The following ADARB2 variants were observed in gnomAD, a reference collection of about 807,000 sequenced individuals.
ADARB2 encodes the protein adenosine deaminase RNA specific B2 (inactive).
Under a neutral mutation model 62.2 loss-of-function variants are expected in ADARB2, and 25 were observed. That is an observed-to-expected ratio of 0.40 (90% CI 0.29 to 0.56). The LOEUF is 0.56. Ranked by LOEUF, ADARB2 falls within the 20% of genes least tolerant of loss-of-function variation. ADARB2 has a pLI of 0.43. For synonymous variants in ADARB2, 572 were observed against 500.8 expected (o/e 1.14, Z -1.90); for missense variants, 1,071 against 1,077.4 (o/e 0.99, Z 0.08).
chr10:1,440,166 G>A (rs1470191770), intron 1 of ADARB2, among the ~76,000 whole-genome samples: 3 of 152,020 alleles, frequency 2.0e-5, no homozygotes, highest in African/African-American at 7.3e-5. Context: ...CCTTCACTAT[G>A]GGGCTTCTGA....
At chr10:1,381,301 A>G (rs968093756) in intron 1 of ADARB2, among the ~76,000 whole-genome samples, 2 of 152,280 alleles carry the variant, frequency 1.3e-5, no homozygotes, top group African/African-American at 2.4e-5. Context: ...CAATAAGCAC[A>G]TGGAAATGTA....
At chr10:1,420,609 AGG>A (rs149910486) in intron 1 of ADARB2, among the ~76,000 whole-genome samples, 53 of 61,180 alleles carry the variant, frequency 8.7e-4, no homozygotes, top group African/African-American at 1.7e-3. Context: ...TTCCAGAAAG[AGG>A]GAAAAAAAAA....
chr10:1,209,109 G>A (rs1314990873), intron 7 of ADARB2, among the ~76,000 whole-genome samples: 1 of 152,128 alleles, frequency 6.6e-6, no homozygotes, highest in Non-Finnish European at 1.5e-5. Flanking sequence ...CATTAGGTGT[G>A]CATTGTGGGA....
rs1469540844 is a variant in ADARB2 at position 1,606,933 on chromosome 10, G to C, written c.100+130118C>G. Among the ~76,000 whole-genome samples the C allele has an allele frequency of 1.3e-5, 2 of 152,170 alleles. 1 individual carries two copies. Among genetic ancestry groups the C allele is most frequent in the Admixed American group, 1.3e-4 (2 of 15,266 alleles). On this transcript the variant is annotated intron_variant, in intron 1 of 9. Coordinates refer to ENST00000381312, the MANE Select transcript of ADARB2 (RefSeq NM_018702.4). ...ATTTTGTCCATCCATGACAGAATGT[G>C]GGGCAAATAGACCAGTAATTCAGGC...
At chr10:1,691,124 T>C (rs537168336) in intron 1 of ADARB2, among the ~76,000 whole-genome samples, 89 of 152,162 alleles carry the variant, frequency 5.8e-4, no homozygotes, top group African/African-American at 2.0e-3. Flanking sequence ...GGCAATTAAG[T>C]TAAACTGAGG....
chr10:1,697,140 G>T (rs536511847), intron 1 of ADARB2, among the ~76,000 whole-genome samples: 4 of 152,114 alleles, frequency 2.6e-5, no homozygotes, highest in Admixed American at 1.3e-4. Flanking sequence ...GCTCATCTGG[G>T]TGGGGGCTGC....
chr10:1,685,820 G>A (rs1834590466), intron 1 of ADARB2, among the ~76,000 whole-genome samples: 1 of 152,238 alleles, frequency 6.6e-6, no homozygotes. Flanking sequence ...AATGCAGCCA[G>A]CACTTGTGCC....
intron 1 of ADARB2, among the ~76,000 whole-genome samples, chr10:1,696,743 C>G (rs1834751266): frequency 6.6e-6 from 1 of 152,166 alleles, no homozygotes. Context: ...TGCTCAGGAC[C>G]TGGGACCTGG....
At chr10:1,668,782 G>C (rs1588345521) in intron 1 of ADARB2, among the ~76,000 whole-genome samples, 1 of 152,258 alleles carries the variant, frequency 6.6e-6, no homozygotes, top group African/African-American at 2.4e-5. Context: ...GAAGGAGAAG[G>C]GCATTCTAAT....
chr10:1,216,448 T>C (rs982347693), intron 7 of ADARB2: 2 of 161,444 alleles, frequency 1.2e-5, no homozygotes, highest in Admixed American at 5.8e-5. Context: ...TCCCGAGACC[T>C]CCACATGGAG....
At position 1,363,116 on chromosome 10, in the gene ADARB2, T is replaced by TGACCCCGGGCCAGCTTCTTGCTGCGCCCC; in HGVS notation, c.960_988dup (p.Gln330ArgfsTer57). On this transcript the variant is annotated frameshift_variant, in exon 3 of 10. Transcript: ENST00000381312. LOFTEE classifies it high-confidence loss of function. ...CTCCTGCAGTGCGGCCTGCGCGGCC[T>TGACCCCGGGCCAGCTTCTTGCTGCGCCCC]GACCCCGGGCCAGCTTCTTGCTGCG... 6.5e-7 allele frequency: 1 copy of TGACCCCGGGCCAGCTTCTTGCTGCGCCCC among 1,538,694 alleles called. No homozygotes were observed. Among genetic ancestry groups the TGACCCCGGGCCAGCTTCTTGCTGCGCCCC allele is most frequent in the Non-Finnish European group, 8.7e-7 (1 of 1,151,564 alleles).
intron 3 of ADARB2, among the ~76,000 whole-genome samples, chr10:1,315,805 TAAATG>T (rs975425180): frequency 7.2e-5 from 11 of 152,318 alleles, no homozygotes; most frequent in Admixed American, 6.5e-4. Flanking sequence ...TCGACCAAAA[TAAATG>T]AAGAAAATGT....
intron 2 of ADARB2, among the ~76,000 whole-genome samples, chr10:1,377,644 C>A (rs1346965897): frequency 4.6e-5 from 7 of 151,968 alleles, no homozygotes; most frequent in Admixed American, 4.6e-4. Flanking sequence ...GTTTGGGTCA[C>A]CAGAGAACAG....
At chr10:1,657,452 T>G (rs990954856) in intron 1 of ADARB2, among the ~76,000 whole-genome samples, 14 of 152,234 alleles carry the variant, frequency 9.2e-5, no homozygotes, top group Non-Finnish European at 1.6e-4. Context: ...TCTCTTCCTC[T>G]TACTGGAAAT....
intron 1 of ADARB2, among the ~76,000 whole-genome samples, chr10:1,510,152 CTTTCTTTCTTTCTTTCTT>C (rs1564312627): frequency 9.1e-5 from 11 of 121,324 alleles, no homozygotes; most frequent in African/African-American, 2.6e-4. Context: ...TTCTTTCTTT[CTTTCTTTCTTTCTTTCTT>C]TTTCTTTCTT....
chr10:1,649,732 T>C (rs185645583), intron 1 of ADARB2, among the ~76,000 whole-genome samples: 3 of 152,352 alleles, frequency 2.0e-5, no homozygotes, highest in Non-Finnish European at 4.4e-5. Flanking sequence ...GATGCAGTGC[T>C]GGACACCCCA....
At position 1,367,770 on chromosome 10, in the gene ADARB2, T is replaced by C. The variant is rs12413125; in HGVS notation, c.188-3853A>G. ...GACGAGACTGTCAGTGTGATTACAG[T>C]GGCTGGCGTTATTGCATGACCTTTG... is the stretch of plus-strand genomic sequence containing the variant. On this transcript the variant is annotated intron_variant, in intron 2 of 9. Coordinates refer to ENST00000381312, the MANE Select transcript of ADARB2 (RefSeq NM_018702.4). 4.0e-3 allele frequency among the ~76,000 whole-genome samples: 605 copies of C among 152,340 alleles called. 25 individuals are homozygous for C. The highest frequency in any genetic ancestry group is 0.036 in the Admixed American group (549 of 15,302).
At chr10:1,218,132 C>A (rs571434748) in intron 6 of ADARB2, among the ~76,000 whole-genome samples, 1 of 152,314 alleles carries the variant, frequency 6.6e-6, no homozygotes, top group Non-Finnish European at 1.5e-5. Context: ...CTCACTGCAA[C>A]CTCCGCCTCC....
intron 1 of ADARB2, among the ~76,000 whole-genome samples, chr10:1,474,880 G>C (rs1049061488): frequency 4.6e-5 from 7 of 152,196 alleles, no homozygotes; most frequent in Admixed American, 3.9e-4. Context: ...TCGCAGGACT[G>C]CGTGTCACGG....
Sources: allele counts gnomAD v4.1 joint callset (sites outside exome capture counted in the v4.1 genomes callset), GRCh38; gene constraint gnomAD v4.1.1; transcripts MANE v1.5; gene names NCBI Gene and HGNC (gene_info 2026-07-23, HGNC 2026-07-21).